ERC2: variants seen among roughly 807,000 people sequenced by gnomAD.
ERC2 encodes the protein ELKS/RAB6-interacting/CAST family member 2, also known as ERC protein 2.
ERC2 carries 42 observed loss-of-function variants against 114.8 expected under a neutral mutation model. That is an observed-to-expected ratio of 0.37 (90% CI 0.29 to 0.47). The LOEUF (loss-of-function observed/expected upper bound fraction) is 0.47. Among genes scored for constraint, ERC2 ranks in the 20% least tolerant of loss-of-function variants. The pLI is 0.99. For synonymous variants in ERC2, 454 were observed against 425.5 expected, an observed-to-expected ratio of 1.07 and a Z score of -0.82; for missense variants, 939 against 1,150.7, an observed-to-expected ratio of 0.82 and a Z score of 2.66.
intron 3 of ERC2, among the ~76,000 whole-genome samples, chr3:56,281,242 C>A (rs1231821190): frequency 6.6e-6 from 1 of 151,422 alleles, no homozygotes; most frequent in East Asian, 1.9e-4. Context: ...TCGAGACCAT[C>A]CCGGCTAAAA....
intron 2 of ERC2, among the ~76,000 whole-genome samples, chr3:56,313,101 T>C (rs2150401182): frequency 7.5e-6 from 1 of 134,196 alleles, no homozygotes; most frequent in Admixed American, 7.9e-5. Context: ...TAAACAAAAA[T>C]GTGTCCAGCA....
intron 6 of ERC2, among the ~76,000 whole-genome samples, chr3:56,132,335 G>T (rs1273398362): frequency 3.9e-5 from 6 of 152,254 alleles, no homozygotes; most frequent in African/African-American, 7.2e-5. Context: ...CAAAAGTTTG[G>T]TTTTTATGAT....
chr3:55,862,987 A>C (rs1391567276), intron 14 of ERC2, among the ~76,000 whole-genome samples: 2 of 152,196 alleles, frequency 1.3e-5, no homozygotes, highest in Non-Finnish European at 2.9e-5. Flanking sequence ...TGAAGTGAGC[A>C]CATTAATGGG....
intron 14 of ERC2, among the ~76,000 whole-genome samples, chr3:55,759,868 G>T (rs1047458029): frequency 3.3e-5 from 5 of 152,192 alleles, no homozygotes; most frequent in Non-Finnish European, 7.3e-5. Context: ...ATTAAATTGT[G>T]CTTAACGAGC....
intron 17 of ERC2, among the ~76,000 whole-genome samples, chr3:55,669,751 C>G (rs2148731140): frequency 6.6e-6 from 1 of 152,288 alleles, no homozygotes; most frequent in African/African-American, 2.4e-5. Flanking sequence ...CCAACCCATC[C>G]CAGCCAGGTG....
chr3:56,448,605 A>G (rs975883145), intron 1 of ERC2, among the ~76,000 whole-genome samples: 2 of 152,142 alleles, frequency 1.3e-5, no homozygotes, highest in African/African-American at 4.8e-5. Flanking sequence ...CTCCAGCTAT[A>G]CCAGGGGTCC....
chr3:56,257,060 A>G (rs1319622492), intron 3 of ERC2, among the ~76,000 whole-genome samples: 1 of 152,172 alleles, frequency 6.6e-6, no homozygotes, highest in Non-Finnish European at 1.5e-5. Context: ...AATGGGGGTA[A>G]TAATTCTACC....
rs553365142 is a variant in ERC2, at chr3:56,182,212, A to G, written c.1075-8692T>C. Among the ~76,000 whole-genome samples, 812 of 152,302 alleles carry G rather than the reference A, an allele frequency of 5.3e-3. 6 individuals are homozygous for G. The highest frequency in any genetic ancestry group is 0.019 in the African/African-American group (780 of 41,548). The stretch of plus-strand genomic sequence containing the variant: ...GTGTACTTTTCCTCCATGTCACTGA[A>G]CATGGCCACAATTTTACACTAATTT... On this transcript the variant is annotated intron_variant, in intron 3 of 17. Coordinates refer to ENST00000288221, the MANE Select transcript of ERC2 (RefSeq NM_015576.3).
At chr3:56,145,946 T>G (rs922492923) in intron 5 of ERC2, among the ~76,000 whole-genome samples, 1 of 152,088 alleles carries the variant, frequency 6.6e-6, no homozygotes, top group Non-Finnish European at 1.5e-5. Context: ...TTAATAGTAA[T>G]GCAAGCAGTA....
At chr3:55,928,649 G>A (rs111316645) in intron 13 of ERC2, among the ~76,000 whole-genome samples, 11 of 152,270 alleles carry the variant, frequency 7.2e-5, no homozygotes, top group African/African-American at 2.6e-4. Context: ...TTAGATGCCT[G>A]TGCTTGTGGG....
chr3:55,560,236 TA>T (rs369930120), intron 17 of ERC2, among the ~76,000 whole-genome samples: 1 of 152,046 alleles, frequency 6.6e-6, no homozygotes, highest in Non-Finnish European at 1.5e-5. Flanking sequence ...AAACTTTACT[TA>T]AAAAAACAGG....
chr3:56,075,173 A>G (rs1025154241), intron 7 of ERC2, among the ~76,000 whole-genome samples: 3 of 152,094 alleles, frequency 2.0e-5, no homozygotes, highest in African/African-American at 4.8e-5. Flanking sequence ...AGAAAGCTCA[A>G]GTGTAAAGCT....
chr3:56,117,992 G>A (rs1006793265), intron 6 of ERC2, among the ~76,000 whole-genome samples: 15 of 152,128 alleles, frequency 9.9e-5, no homozygotes, highest in Non-Finnish European at 1.9e-4. Context: ...AGAGGGAATG[G>A]GCCAGCCTGG....
intron 12 of ERC2, among the ~76,000 whole-genome samples, chr3:55,965,887 A>C (rs908991369): frequency 1.3e-5 from 2 of 152,202 alleles, no homozygotes; most frequent in Non-Finnish European, 2.9e-5. Flanking sequence ...AGGATAACAA[A>C]GTGGCAGAAT....
In ERC2 at chr3:56,352,961, G is replaced by A. The variant is rs376278600; in HGVS notation, c.658-56526C>T. ...TCCAAGCCAGACATTACAATCTTAC[G>A]TAACATGATCATGTGCATACTATCA... On this transcript the variant is annotated intron_variant, in intron 2 of 17. Coordinates refer to ENST00000288221, the MANE Select transcript of ERC2 (RefSeq NM_015576.3). Among the ~76,000 whole-genome samples the A allele has an allele frequency of 1.3e-3, 201 of 152,198 alleles. 5 individuals carry two copies. In the South Asian group the frequency reaches 0.029, roughly 22 times the overall value.
intron 13 of ERC2, among the ~76,000 whole-genome samples, chr3:55,911,519 A>G (rs951773598): frequency 5.3e-5 from 8 of 152,192 alleles, no homozygotes; most frequent in African/African-American, 1.9e-4. Flanking sequence ...GTCTCCTATA[A>G]TATCACCTTT....
At chr3:55,941,965 T>A (rs1023089996) in intron 13 of ERC2, among the ~76,000 whole-genome samples, 1 of 152,166 alleles carries the variant, frequency 6.6e-6, no homozygotes, top group African/African-American at 2.4e-5. Context: ...TTATTCACAA[T>A]AACTAACTAA....
intron 17 of ERC2, among the ~76,000 whole-genome samples, chr3:55,529,759 A>G (rs973907945): frequency 6.6e-6 from 1 of 152,218 alleles, no homozygotes; most frequent in African/African-American, 2.4e-5. Context: ...CACACAGTCA[A>G]CTACTGCTCC....
At chr3:56,310,654 C>T (rs2056483576) in intron 2 of ERC2, among the ~76,000 whole-genome samples, 2 of 152,134 alleles carry the variant, frequency 1.3e-5, no homozygotes, top group African/African-American at 4.8e-5. Context: ...TGTACCCTCC[C>T]TGCTTCTCTC....
Sources: gnomAD v4.1 joint callset for allele counts (sites outside exome capture counted in the v4.1 genomes callset) on GRCh38, gnomAD v4.1.1 for gene constraint, MANE v1.5 for transcripts, NCBI Gene and HGNC (gene_info 2026-07-23, HGNC 2026-07-21) for gene names.